Variants in PLCB1 observed in about 807,000 individuals in gnomAD.
PLCB1 encodes 1-phosphatidylinositol 4,5-bisphosphate phosphodiesterase beta-1.
PLCB1 carries 46 observed loss-of-function variants against 161.8 expected under a neutral mutation model. The ratio of observed to expected loss-of-function variants is 0.28; its 90% confidence interval spans 0.22 to 0.36. The LOEUF is 0.36. Among genes scored for constraint, PLCB1 ranks in the 10% least tolerant of loss-of-function variants. PLCB1 has a pLI of 1.00. For missense variants in PLCB1, 1,016 were observed against 1,472.5 expected (o/e 0.69, Z 5.07); for synonymous variants, 517 against 503.7 (o/e 1.03, Z -0.35).
At chr20:8,769,269 A>T (rs1384820969) in intron 26 of PLCB1, among the ~76,000 whole-genome samples, 3 of 152,134 alleles carry the variant, frequency 2.0e-5, no homozygotes, top group African/African-American at 7.2e-5. Flanking sequence ...TAAAATAAAA[A>T]TTAACATTTT....
At chr20:8,824,318 G>C (rs1370327830) in intron 31 of PLCB1, among the ~76,000 whole-genome samples, 2 of 152,102 alleles carry the variant, frequency 1.3e-5, no homozygotes, top group African/African-American at 4.8e-5. Context: ...ACTAAGCATA[G>C]ACCCCAGAAC....
intron 11 of PLCB1, among the ~76,000 whole-genome samples, chr20:8,705,055 G>A (rs1047402284): frequency 1.1e-4 from 16 of 147,352 alleles, no homozygotes; most frequent in Non-Finnish European, 2.2e-4. Context: ...AGGGCAGGCT[G>A]CTTAACTCGG....
At chr20:8,517,033 G>A (rs527563402) in intron 3 of PLCB1, among the ~76,000 whole-genome samples, 129 of 152,208 alleles carry the variant, frequency 8.5e-4, no homozygotes, top group Non-Finnish European at 1.4e-3. Flanking sequence ...CAGAGTGGGT[G>A]CTAGAGCTGA....
At chr20:8,395,144 AAAG>A (rs1353528583) in intron 3 of PLCB1, among the ~76,000 whole-genome samples, 2 of 152,120 alleles carry the variant, frequency 1.3e-5, no homozygotes, top group Non-Finnish European at 2.9e-5. Flanking sequence ...AAGAGTTTAA[AAAG>A]AAGTTTCCTT....
chr20:8,647,475 A>G (rs918262448), intron 5 of PLCB1, among the ~76,000 whole-genome samples: 6 of 152,220 alleles, frequency 3.9e-5, no homozygotes, highest in African/African-American at 1.2e-4. Context: ...AGCTTCCTGA[A>G]GTAGAATTCC....
chr20:8,530,883 T>C (rs1668111508), intron 3 of PLCB1, among the ~76,000 whole-genome samples: 1 of 152,116 alleles, frequency 6.6e-6, no homozygotes, highest in African/African-American at 2.4e-5. Flanking sequence ...TGAATAATTA[T>C]CTTTTTCATT....
At chr20:8,495,458 T>C (rs1217318465) in intron 3 of PLCB1, among the ~76,000 whole-genome samples, 2 of 142,122 alleles carry the variant, frequency 1.4e-5, no homozygotes, top group African/African-American at 5.4e-5. Context: ...GGTGCAGTGG[T>C]GCCATCTCGG....
At chr20:8,528,424 A>C (rs1984667995) in intron 3 of PLCB1, among the ~76,000 whole-genome samples, 1 of 152,126 alleles carries the variant, frequency 6.6e-6, no homozygotes, top group Non-Finnish European at 1.5e-5. Flanking sequence ...CACAAAAGTT[A>C]TTCCATTCAT....
At chr20:8,594,473 G>A (rs1219063546) in intron 3 of PLCB1, among the ~76,000 whole-genome samples, 1 of 152,168 alleles carries the variant, frequency 6.6e-6, no homozygotes, top group Non-Finnish European at 1.5e-5. Context: ...GATGAAGTAG[G>A]TTAGGGGCGG....
intron 3 of PLCB1, among the ~76,000 whole-genome samples, chr20:8,527,036 G>A (rs1315900046): frequency 6.6e-6 from 1 of 152,068 alleles, no homozygotes; most frequent in African/African-American, 2.4e-5. Context: ...GGTCTCTAGT[G>A]TAGTTATGGG....
chr20:8,543,407 C>T (rs1985409704), intron 3 of PLCB1, among the ~76,000 whole-genome samples: 1 of 151,942 alleles, frequency 6.6e-6, no homozygotes, highest in Admixed American at 6.6e-5. Flanking sequence ...GTAGCACAGC[C>T]TTAAATGTTA....
At chr20:8,407,425 G>T (rs1978832172) in intron 3 of PLCB1, among the ~76,000 whole-genome samples, 1 of 152,294 alleles carries the variant, frequency 6.6e-6, no homozygotes, top group East Asian at 1.9e-4. Flanking sequence ...ACAAAAAGAG[G>T]TTTAATTGGA....
intron 2 of PLCB1, among the ~76,000 whole-genome samples, chr20:8,355,663 G>A (rs958895061): frequency 2.0e-5 from 3 of 152,082 alleles, no homozygotes; most frequent in Non-Finnish European, 4.4e-5. Context: ...GTTTGGTGGC[G>A]AATGAGCAAC....
At chr20:8,504,198 C>A (rs886184400) in intron 3 of PLCB1, among the ~76,000 whole-genome samples, 7 of 152,122 alleles carry the variant, frequency 4.6e-5, no homozygotes, top group African/African-American at 1.7e-4. Flanking sequence ...CACTCTAAGG[C>A]CCAGTGACGG....
At chr20:8,736,269 CAG>C (rs1379201528) in intron 19 of PLCB1, among the ~76,000 whole-genome samples, 1 of 152,142 alleles carries the variant, frequency 6.6e-6, no homozygotes, top group Admixed American at 6.5e-5. Flanking sequence ...TGCATAGAAA[CAG>C]AGGCAGACAT....
chr20:8,137,637 A>G (rs1236843384), intron 1 of PLCB1, among the ~76,000 whole-genome samples: 1 of 152,202 alleles, frequency 6.6e-6, no homozygotes, highest in Non-Finnish European at 1.5e-5. Context: ...ACAACAAAAC[A>G]CACAAATCCT....
At chr20:8,376,941 A>T (rs1425668878) in intron 3 of PLCB1, among the ~76,000 whole-genome samples, 1 of 151,634 alleles carries the variant, frequency 6.6e-6, no homozygotes, top group Non-Finnish European at 1.5e-5. Context: ...AAAAAAAAAG[A>T]AAAAGAAAGA....
intron 31 of PLCB1, among the ~76,000 whole-genome samples, chr20:8,851,286 T>C (rs1186518154): frequency 6.6e-6 from 1 of 152,214 alleles, no homozygotes; most frequent in Non-Finnish European, 1.5e-5. Context: ...TTTCACTCTT[T>C]TTCTTTACCT....
intron 2 of PLCB1, among the ~76,000 whole-genome samples, chr20:8,356,681 A>G (rs1986372092): frequency 6.6e-6 from 1 of 152,192 alleles, no homozygotes; most frequent in Non-Finnish European, 1.5e-5. Context: ...TTCTGTACTT[A>G]ATTTTGACTG....
Sources: allele counts gnomAD v4.1 joint callset (sites outside exome capture counted in the v4.1 genomes callset), GRCh38; gene constraint gnomAD v4.1.1; transcripts MANE v1.5; gene names NCBI Gene and HGNC (gene_info 2026-07-23, HGNC 2026-07-21).